ARHGAP27: variants seen among roughly 807,000 people sequenced by gnomAD.
ARHGAP27 encodes the protein Rho GTPase activating protein 27.
In ARHGAP27, 53 loss-of-function variants were observed where a neutral mutation model predicts 102.0. That is an observed-to-expected ratio of 0.52 (90% CI 0.42 to 0.65). The LOEUF is 0.65. Among genes scored for constraint, ARHGAP27 ranks in the 30% least tolerant of loss-of-function variants. The probability of loss-of-function intolerance (pLI) is 0.00; values close to 1 mark genes in which losing one functional copy is unlikely to be tolerated. For missense variants in ARHGAP27, 1,117 were observed against 1,256.2 expected (o/e 0.89, Z 1.68); for synonymous variants, 525 against 542.8 (o/e 0.97, Z 0.46).
At chr17:45,411,636 C>A (rs2047923567) in intron 4 of ARHGAP27, among the ~76,000 whole-genome samples, 1 of 152,078 alleles carries the variant, frequency 6.6e-6, no homozygotes, top group Non-Finnish European at 1.5e-5. Context: ...GTGTCCCATC[C>A]CCTGTACCCG....
intron 4 of ARHGAP27, among the ~76,000 whole-genome samples, chr17:45,420,314 T>A (rs1197009397): frequency 6.6e-6 from 1 of 152,162 alleles, no homozygotes; most frequent in Non-Finnish European, 1.5e-5. Flanking sequence ...TGTTTTGTTT[T>A]GTTTTTTACC....
chr17:45,404,239 A>G, intron 9 of ARHGAP27, 30 bp downstream of exon 9: 1 of 1,613,224 alleles, frequency 6.2e-7, no homozygotes, highest in South Asian at 1.1e-5. Flanking sequence ...CAGCACCACC[A>G]CCTGGCTGGG....
chr17:45,395,440 A>C lies in ARHGAP27; in HGVS notation c.*16T>G, dbSNP rs770209303. The C allele has an allele frequency of 4.5e-6, 7 of 1,549,014 alleles. No individual in the cohort carries two copies. The highest frequency in any genetic ancestry group is 5.2e-6 in the Non-Finnish European group (6 of 1,144,688). On this transcript the variant is annotated 3_prime_UTR_variant, in exon 20 of 20. Transcript: ENST00000685559. ...GTGGCAGGACCGCGGCCGCCGCCCC[A>C]GTCACAGGCCAGCAGTCAGTGCGGC...
At position 45,427,023 on chromosome 17, in the gene ARHGAP27, A is replaced by G. The variant is rs538829714; in HGVS notation, c.657+2600T>C. ...CTTTTTTCCACTCTGCTCCTCCCCA[A>G]GTCATCCCCCCGTCAGGAAGCAGCA... On this transcript the variant is annotated intron_variant, in intron 4 of 19. Coordinates refer to ENST00000685559, the MANE Select transcript of ARHGAP27 (RefSeq NM_001282290.2). This position sits in a 1 kb window ranked among gnomAD's most constrained non-coding sequence, Gnocchi z 4.5. Among the ~76,000 whole-genome samples, 6 of 151,926 alleles carry G rather than the reference A, an allele frequency of 3.9e-5. No individual in the cohort carries two copies. In the South Asian group the frequency reaches 8.4e-4, roughly 21 times the overall value.
In ARHGAP27 at chr17:45,405,075, G is replaced by A. The variant is rs2046968942; in HGVS notation, c.1097C>T (p.Ser366Leu). The A allele has an allele frequency of 6.2e-7, 1 of 1,601,170 alleles. No homozygotes were observed. Among genetic ancestry groups the A allele is most frequent in the South Asian group, 1.1e-5 (1 of 89,196 alleles). ...GTCCTCCTCGGGGTAACTGGTCAGC[G>A]ACTCGGGGTAGTCCGTCTCGGGAGT... ...PPTPETDYPE[S>L]LTSYPEEDYS... Residue 366 changes from serine to leucine, a missense_variant, in exon 6 of 20, where the codon TCG (serine) becomes TTG (leucine). By Grantham distance (145) the Ser-to-Leu change is moderately radical. Coordinates refer to ENST00000685559, the MANE Select transcript of ARHGAP27 (RefSeq NM_001282290.2).
intron 13 of ARHGAP27, chr17:45,397,393 C>A (rs1241582596): frequency 2.4e-6 from 2 of 824,356 alleles, no homozygotes; most frequent in Admixed American, 4.6e-5. Flanking sequence ...CAGCTGTGGC[C>A]GGAGCACTGC....
At position 45,405,040 on chromosome 17, in the gene ARHGAP27, C is replaced by T. The variant is rs1212043150; in HGVS notation, c.1132G>A (p.Val378Met). Residue 378 changes from valine (V) to methionine (M), a missense_variant, in exon 6 of 20, where the codon GTG becomes ATG. Around this residue, in one of 3 missense-constraint regions of ARHGAP27, gnomAD observed 610 missense variants for 716.4 expected, o/e 0.85. Transcript: ENST00000685559. ...GGGCCGGGCTCACCGAAAGAGCCCA[C>T]GGGAGAATAGTCCTCCTCGGGGTAA... Reference protein sequence around the residue: ...TSYPEEDYSPVGSFGEPGPTS... With the variant: ...TSYPEEDYSPMGSFGEPGPTS... 5 of 1,613,162 alleles carry T rather than the reference C, an allele frequency of 3.1e-6. No homozygotes were observed. In the African/African-American group the frequency reaches 4.0e-5, roughly 13 times the overall value.
chr17:45,405,213 G>A (rs893796006), intron 5 of ARHGAP27, 107 bp from the exon 6 acceptor site: 2 of 1,249,334 alleles, frequency 1.6e-6, no homozygotes, highest in African/African-American at 3.0e-5. Context: ...CCCTGAGGCT[G>A]TGGGAGCAGG....
At chr17:45,408,642 C>G (rs1293051324) in intron 4 of ARHGAP27, 1 of 152,266 alleles carries the variant, frequency 6.6e-6, no homozygotes, top group African/African-American at 2.4e-5. Context: ...CGGCCCCCAA[C>G]AGAAAAGGCA....
Position 45,395,588 on chromosome 17 carries a change from C to T in ARHGAP27, c.2538G>A (p.Val846=). Residue 846 remains valine (V), a synonymous_variant, in exon 20 of 20, where the codon GTG becomes GTA. Transcript: ENST00000685559. ...GCAGCGTGGGCCCGAACACAATGGC[C>T]ACGCTCTGCACCGACATGCGGTTCT... ...GEQNRMSVQS[V]AIVFGPTLLR... is the part of the protein sequence containing the mutation. 1 of 1,607,074 alleles carries T rather than the reference C, an allele frequency of 6.2e-7. No homozygotes were observed. The highest frequency in any genetic ancestry group is 1.7e-5 in the Admixed American group (1 of 59,282).
chr17:45,401,084 G>A (rs2046386385), intron 12 of ARHGAP27, among the ~76,000 whole-genome samples: 2 of 152,196 alleles, frequency 1.3e-5, no homozygotes, highest in Admixed American at 6.5e-5. Context: ...GCTCACACCT[G>A]TAATCTCAAC....
intron 1 of ARHGAP27, among the ~76,000 whole-genome samples, 174 bp from the exon 2 acceptor site, chr17:45,432,523 C>T (rs1043042779): frequency 6.6e-6 from 1 of 152,214 alleles, no homozygotes; most frequent in African/African-American, 2.4e-5. Context: ...CTCCAGCCCC[C>T]AGATGGAGGG....
chr17:45,399,165 T>G (rs1443171979), intron 12 of ARHGAP27, among the ~76,000 whole-genome samples: 1 of 152,190 alleles, frequency 6.6e-6, no homozygotes, highest in Non-Finnish European at 1.5e-5. Flanking sequence ...ACACCAACCC[T>G]GCCCTTTTGG....
chr17:45,396,814 G>C, intron 14 of ARHGAP27, 24 bp from the exon 15 acceptor site: 1 of 1,608,120 alleles, frequency 6.2e-7, no homozygotes, highest in Non-Finnish European at 8.5e-7. Context: ...AGGCAGGACT[G>C]AGTCAGGAGG....
Position 45,395,372 on chromosome 17 carries a change from A to C in ARHGAP27, c.*84T>G. Reference sequence around the variant, plus strand: ...GCTATGCGCTGGCGGAGGGTCCCAGAGAGAAGAAGGCCCGGCTGCGTGGCC... The same window carrying C: ...GCTATGCGCTGGCGGAGGGTCCCAGCGAGAAGAAGGCCCGGCTGCGTGGCC... On this transcript the variant is annotated 3_prime_UTR_variant, in exon 20 of 20. Coordinates refer to ENST00000685559, the MANE Select transcript of ARHGAP27 (RefSeq NM_001282290.2). 2 of 1,461,150 alleles carry C rather than the reference A, an allele frequency of 1.4e-6. No homozygotes were observed. Among genetic ancestry groups the C allele is most frequent in the Non-Finnish European group, 1.8e-6 (2 of 1,091,226 alleles). 90.5% of individuals were successfully genotyped at this position (1,461,150 alleles called of 1,614,324 possible). A position where few individuals can be genotyped will look rare whatever the true frequency, so the allele number is the denominator to read the frequency against.
intron 4 of ARHGAP27, chr17:45,410,398 G>A (rs1053516920): frequency 8.1e-6 from 11 of 1,364,792 alleles, no homozygotes; most frequent in South Asian, 1.7e-5. Context: ...AGAAGTTGCC[G>A]AGATGGCGGG....
At chr17:45,396,852 C>T in intron 14 of ARHGAP27, 62 bp from the exon 15 acceptor site, 3 of 1,606,798 alleles carry the variant, frequency 1.9e-6, no homozygotes, top group African/African-American at 1.3e-5. Context: ...AGGCAGGCCC[C>T]AGCAACCGTC....
rs141506109 is a variant in ARHGAP27 at position 45,404,951 on chromosome 17, G to C, written c.1221C>G (p.Leu407=). ...GCTCCTGAGTGAAGTGGTTGGTGTA[G>C]AGCATCTGCTTGTCCTGGCTGACAT... The part of the protein sequence containing the change: ...SCHVSQDKQM[L]YTNHFTQEQW... The change falls in exon 6 of 20, where the codon CTC becomes CTG. Residue 407 remains leucine, a synonymous_variant. Transcript: ENST00000685559. 5 of 1,614,042 alleles carry C rather than the reference G, an allele frequency of 3.1e-6. No individual in the cohort carries two copies. In the African/African-American group the frequency reaches 6.7e-5, roughly 22 times the overall value.
At chr17:45,406,473 T>C (rs2047175887) in intron 4 of ARHGAP27, among the ~76,000 whole-genome samples, 1 of 152,216 alleles carries the variant, frequency 6.6e-6, no homozygotes, top group African/African-American at 2.4e-5. Context: ...GAAAGTACTT[T>C]GTAAAGTATT....
Sources: gnomAD v4.1 joint callset for allele counts (sites outside exome capture counted in the v4.1 genomes callset) on GRCh38, gnomAD v4.1.1 for gene constraint, gnomAD v4.1.1 regional missense constraint, Gnocchi (gnomAD v3.1) non-coding constraint, MANE v1.5 for transcripts, NCBI Gene and HGNC (gene_info 2026-07-23, HGNC 2026-07-21) for gene names.